The following ZNF804B variants were observed in gnomAD, a reference collection of about 807,000 sequenced individuals.
ZNF804B encodes zinc finger 804B.
ZNF804B carries 80 observed loss-of-function variants against 101.4 expected under a neutral mutation model. That is an observed-to-expected ratio of 0.79 (90% confidence interval 0.66 to 0.95). The LOEUF is 0.95. ZNF804B is among the 40% of genes least tolerant of loss of function. The pLI, the probability that ZNF804B is intolerant of heterozygous loss-of-function variation, is 0.00. For missense variants in ZNF804B, 1,673 were observed against 1,561.9 expected (o/e 1.07, Z -1.20); for synonymous variants, 622 against 558.8 (o/e 1.11, Z -1.59).
At chr7:89,052,646 C>T (rs1562871465) in intron 1 of ZNF804B, among the ~76,000 whole-genome samples, 1 of 152,030 alleles carries the variant, frequency 6.6e-6, no homozygotes, top group Non-Finnish European at 1.5e-5. Context: ...GATTTTGTGT[C>T]CCTGGTTAAT....
chr7:89,241,372 C>T (rs539301560), intron 2 of ZNF804B, among the ~76,000 whole-genome samples: 4 of 152,122 alleles, frequency 2.6e-5, no homozygotes, highest in African/African-American at 4.8e-5. Flanking sequence ...CTTCTCTGAA[C>T]CACTACCTCT....
intron 2 of ZNF804B, among the ~76,000 whole-genome samples, chr7:89,221,055 C>CT (rs1258395756): frequency 6.6e-6 from 1 of 151,814 alleles, no homozygotes; most frequent in Non-Finnish European, 1.5e-5. Flanking sequence ...GTCTGGTTGT[C>CT]TCTCTTTTTA....
rs1198281316 is a variant in ZNF804B at position 89,338,235 on chromosome 7, G to A, written c.*1203G>A. ...TGGAGGTAATCATTTATCTAATGCT[G>A]TCTATACGAAGATGCAAACTCCTCT... On this transcript the variant is annotated 3_prime_UTR_variant, in exon 4 of 4. Coordinates refer to ENST00000333190, the MANE Select transcript of ZNF804B (RefSeq NM_181646.5). 6.6e-6 allele frequency among the ~76,000 whole-genome samples: 1 copy of A among 152,034 alleles called. No individual in the cohort carries two copies. Among genetic ancestry groups the A allele is most frequent in the Non-Finnish European group, 1.5e-5 (1 of 67,942 alleles).
intron 1 of ZNF804B, among the ~76,000 whole-genome samples, chr7:88,928,418 G>C (rs553264990): frequency 4.6e-5 from 7 of 152,274 alleles, no homozygotes; most frequent in Non-Finnish European, 1.0e-4. Flanking sequence ...GCTACCAGCT[G>C]TGCAAGCAAT....
At chr7:88,781,333 A>G (rs990723632) in intron 1 of ZNF804B, among the ~76,000 whole-genome samples, 2 of 152,212 alleles carry the variant, frequency 1.3e-5, no homozygotes, top group East Asian at 3.8e-4. Flanking sequence ...TATTAAGAGC[A>G]GCAGCAGAAG....
At chr7:88,900,282 T>C (rs1792369030) in intron 1 of ZNF804B, among the ~76,000 whole-genome samples, 1 of 151,914 alleles carries the variant, frequency 6.6e-6, no homozygotes, top group Admixed American at 6.6e-5. Context: ...TTTTAAAAAT[T>C]GGCAATCGTT....
chr7:88,823,318 A>G (rs535507244), intron 1 of ZNF804B, among the ~76,000 whole-genome samples: 2 of 152,214 alleles, frequency 1.3e-5, no homozygotes, highest in South Asian at 2.1e-4. Context: ...AACACAAAAT[A>G]CTCAGTGATC....
chr7:88,942,607 A>G (rs1379262958), intron 1 of ZNF804B, among the ~76,000 whole-genome samples: 2 of 151,408 alleles, frequency 1.3e-5, no homozygotes, highest in South Asian at 2.1e-4. Flanking sequence ...AAAGCCTGGC[A>G]TATTCTAGGT....
chr7:89,202,347 T>G (rs769408386), intron 1 of ZNF804B, among the ~76,000 whole-genome samples: 3 of 152,074 alleles, frequency 2.0e-5, no homozygotes, highest in Non-Finnish European at 4.4e-5. Flanking sequence ...GAATTTATTA[T>G]AGCTACAACT....
At chr7:89,321,157 T>C (rs1362536362) in intron 2 of ZNF804B, among the ~76,000 whole-genome samples, 1 of 149,794 alleles carries the variant, frequency 6.7e-6, no homozygotes, top group Non-Finnish European at 1.5e-5. Flanking sequence ...AAATGGATCA[T>C]ATTATAGAAT....
chr7:89,084,167 C>T (rs1789739315), intron 1 of ZNF804B, among the ~76,000 whole-genome samples: 1 of 151,888 alleles, frequency 6.6e-6, no homozygotes, highest in African/African-American at 2.4e-5. Context: ...TCAACTGTAG[C>T]AATGCCCTGA....
At chr7:88,866,358 A>C (rs1013362149) in intron 1 of ZNF804B, among the ~76,000 whole-genome samples, 7 of 152,156 alleles carry the variant, frequency 4.6e-5, no homozygotes, top group African/African-American at 1.7e-4. Context: ...TTAATTTCAG[A>C]ATTCAGGCTG....
At chr7:88,874,039 G>A (rs1304237192) in intron 1 of ZNF804B, among the ~76,000 whole-genome samples, 1 of 152,136 alleles carries the variant, frequency 6.6e-6, no homozygotes, top group Non-Finnish European at 1.5e-5. Context: ...GGATGGCATT[G>A]AATCTGTAAA....
At chr7:89,243,047 G>A (rs1279469925) in intron 2 of ZNF804B, among the ~76,000 whole-genome samples, 1 of 151,594 alleles carries the variant, frequency 6.6e-6, no homozygotes, top group Non-Finnish European at 1.5e-5. Flanking sequence ...CCTATCTGCT[G>A]GCATTGGAAG....
At chr7:89,161,548 C>T (rs1303465277) in intron 1 of ZNF804B, among the ~76,000 whole-genome samples, 1 of 151,782 alleles carries the variant, frequency 6.6e-6, no homozygotes, top group Admixed American at 6.6e-5. Context: ...GTTCTGTTGG[C>T]TTCATTTTAT....
In ZNF804B at chr7:88,819,064, G is replaced by A. The variant is rs114694015; in HGVS notation, c.108+58980G>A. 8.8e-3 allele frequency among the ~76,000 whole-genome samples: 1,333 copies of A among 152,178 alleles called. 13 individuals carry two copies. Among genetic ancestry groups the A allele is most frequent in the African/African-American group, 0.031 (1,281 of 41,512 alleles). ...GCAGGAGATAGTAGCGTGATTGACTGTATTTTCTTCACTGCCCATTGTGAT... is the reference window on the plus strand; with the variant it reads ...GCAGGAGATAGTAGCGTGATTGACTATATTTTCTTCACTGCCCATTGTGAT... On this transcript the variant is annotated intron_variant, in intron 1 of 3. Coordinates refer to ENST00000333190, the MANE Select transcript of ZNF804B (RefSeq NM_181646.5).
chr7:88,931,315 T>C (rs1014909011), intron 1 of ZNF804B, among the ~76,000 whole-genome samples: 1 of 151,914 alleles, frequency 6.6e-6, no homozygotes, highest in Non-Finnish European at 1.5e-5. Context: ...TGAAGCAAGC[T>C]CAGTGTTTCA....
Position 89,240,437 on chromosome 7 carries a change from A to G in ZNF804B, c.249+22142A>G, listed in dbSNP as rs1040535429. Among the ~76,000 whole-genome samples the G allele has an allele frequency of 3.3e-5, 5 of 151,958 alleles. No individual in the cohort carries two copies. In the East Asian group the frequency reaches 9.6e-4, roughly 29 times the overall value. ...TCTCTCTTTCTCTTTTTTTTCTGTA[A>G]AATGAGCGTTTTGTACTGCTAACAT... On this transcript the variant is annotated intron_variant, in intron 2 of 3. Coordinates refer to ENST00000333190, the MANE Select transcript of ZNF804B (RefSeq NM_181646.5).
intron 1 of ZNF804B, among the ~76,000 whole-genome samples, chr7:89,118,936 AG>A (rs1790358002): frequency 6.6e-6 from 1 of 152,324 alleles, no homozygotes; most frequent in Non-Finnish European, 1.5e-5. Context: ...CTGACATTAA[AG>A]AAAGTTCAAC....
Sources: gnomAD v4.1 joint callset for allele counts (sites outside exome capture counted in the v4.1 genomes callset) on GRCh38, gnomAD v4.1.1 for gene constraint, MANE v1.5 for transcripts, NCBI Gene and HGNC (gene_info 2026-07-23, HGNC 2026-07-21) for gene names.